KCNH8: variants seen among roughly 807,000 people sequenced by gnomAD.
KCNH8 encodes potassium voltage-gated channel subfamily H member 8, also known as voltage-gated delayed rectifier potassium channel KCNH8.
In KCNH8, 70 loss-of-function variants were observed where a neutral mutation model predicts 103.6. The observed-to-expected ratio is 0.68, with a 90% CI of 0.56 to 0.82. The LOEUF (loss-of-function observed/expected upper bound fraction) is 0.82, where lower values mean the gene tolerates loss of function less well. Ranked by LOEUF, KCNH8 falls within the 40% of genes least tolerant of loss-of-function variation. The probability of loss-of-function intolerance (pLI) is 0.00; values close to 1 mark genes in which losing one functional copy is unlikely to be tolerated. For synonymous variants in KCNH8, 498 were observed against 489.4 expected, an observed-to-expected ratio of 1.02 and a Z score of -0.23; for missense variants, 1,217 against 1,329.9, an observed-to-expected ratio of 0.92 and a Z score of 1.32.
chr3:19,507,877 A>G (rs1354709585), intron 11 of KCNH8, among the ~76,000 whole-genome samples: 1 of 152,182 alleles, frequency 6.6e-6, no homozygotes, highest in Non-Finnish European at 1.5e-5. Flanking sequence ...CTGTCCCAGG[A>G]AAACACGGAG....
chr3:19,284,067 T>C (rs1404283053), intron 3 of KCNH8, among the ~76,000 whole-genome samples: 1 of 152,116 alleles, frequency 6.6e-6, no homozygotes, highest in Non-Finnish European at 1.5e-5. Context: ...TAACATATGA[T>C]ATTTTTAAAG....
chr3:19,390,476 A>T lies in KCNH8; in HGVS notation c.812-5A>T. 6.2e-7 allele frequency: 1 copy of T among 1,601,024 alleles called. No homozygotes were observed. The highest frequency in any genetic ancestry group is 1.1e-5 in the South Asian group (1 of 89,902). ...TTATTTCTCAACCTTTTTTTTCCCA[A>T]GCAGATATTATTTTAAATTTCCGAA... On this transcript the variant is annotated splice_region_variant and splice_polypyrimidine_tract_variant and intron_variant, in intron 5 of 15. Transcript: ENST00000328405.
intron 11 of KCNH8, among the ~76,000 whole-genome samples, chr3:19,474,852 A>T (rs1285056544): frequency 1.3e-5 from 2 of 152,318 alleles, no homozygotes; most frequent in African/African-American, 4.8e-5. Flanking sequence ...ATCCTAGGTT[A>T]TACAGTTTAC....
rs117786977 is a variant in KCNH8, at chr3:19,294,499, A to G, written c.442+13170A>G. Among the ~76,000 whole-genome samples the G allele has an allele frequency of 3.3e-3, 510 of 152,294 alleles. 25 individuals carry two copies. The East Asian group carries it at 0.086, about 26-fold the overall frequency. ...ATTGATACTTTATCCCAGGAAATAG[A>G]TTTCTGCTTCAGGGACATCTATACC... On this transcript the variant is annotated intron_variant, in intron 3 of 15. Transcript: ENST00000328405.
At chr3:19,336,064 A>C (rs968664826) in intron 3 of KCNH8, among the ~76,000 whole-genome samples, 7 of 151,370 alleles carry the variant, frequency 4.6e-5, no homozygotes, top group Non-Finnish European at 1.5e-5. Context: ...TTCCTATTAA[A>C]TTACTATATT....
chr3:19,466,379 C>G (rs1004277738), intron 11 of KCNH8, among the ~76,000 whole-genome samples: 1 of 152,156 alleles, frequency 6.6e-6, no homozygotes, highest in African/African-American at 2.4e-5. Context: ...AAAGGCTTGA[C>G]TCCAATTTCA....
At chr3:19,416,977 T>G (rs2066873418) in intron 7 of KCNH8, among the ~76,000 whole-genome samples, 1 of 151,948 alleles carries the variant, frequency 6.6e-6, no homozygotes, top group African/African-American at 2.4e-5. Flanking sequence ...ATTTAAGAGT[T>G]ATAGCCTGTG....
intron 3 of KCNH8, among the ~76,000 whole-genome samples, chr3:19,330,778 T>G (rs2065494294): frequency 6.6e-6 from 1 of 152,208 alleles, no homozygotes; most frequent in Admixed American, 6.5e-5. Context: ...TACGATATTT[T>G]TGTAAGGAGG....
At chr3:19,500,231 G>C (rs560610034) in intron 11 of KCNH8, among the ~76,000 whole-genome samples, 3 of 150,722 alleles carry the variant, frequency 2.0e-5, no homozygotes, top group African/African-American at 7.2e-5. Flanking sequence ...TTCAACAAGA[G>C]CTAACTATCC....
rs1165069918 is a variant in KCNH8, at chr3:19,347,705, C to A, written c.571-20C>A. The stretch of plus-strand genomic sequence containing the variant: ...TAATGTTGTGTTTCTCCTTTCTCTC[C>A]TTTTTGTCTTCATCCACAGAATGTT... On this transcript the variant is annotated intron_variant, in intron 4 of 15. Coordinates refer to ENST00000328405, the MANE Select transcript of KCNH8 (RefSeq NM_144633.3). 2 of 1,610,876 alleles carry A rather than the reference C, an allele frequency of 1.2e-6. No homozygotes were observed. The highest frequency in any genetic ancestry group is 4.5e-5 in the East Asian group (2 of 44,808).
intron 1 of KCNH8, among the ~76,000 whole-genome samples, chr3:19,209,110 G>A (rs1217639171): frequency 2.0e-5 from 3 of 151,846 alleles, no homozygotes; most frequent in Non-Finnish European, 4.4e-5. Flanking sequence ...ACAAATATAT[G>A]TGTGCAAAGT....
chr3:19,189,440 T>A (rs2063531124), intron 1 of KCNH8, among the ~76,000 whole-genome samples: 1 of 151,998 alleles, frequency 6.6e-6, no homozygotes, highest in African/African-American at 2.4e-5. Context: ...GCTAAATTAA[T>A]GGTTTCTTAA....
chr3:19,409,851 A>C (rs1164434365), intron 7 of KCNH8, among the ~76,000 whole-genome samples: 1 of 152,152 alleles, frequency 6.6e-6, no homozygotes, highest in Non-Finnish European at 1.5e-5. Context: ...CACCAAACAC[A>C]GGAGCACCCA....
chr3:19,479,898 C>T (rs1005316364), intron 11 of KCNH8, among the ~76,000 whole-genome samples: 1 of 152,258 alleles, frequency 6.6e-6, no homozygotes, highest in Non-Finnish European at 1.5e-5. Context: ...ACATGTTCCT[C>T]CAATCTGCTT....
At chr3:19,406,191 C>A (rs2066688471) in intron 7 of KCNH8, among the ~76,000 whole-genome samples, 1 of 152,026 alleles carries the variant, frequency 6.6e-6, no homozygotes, top group Non-Finnish European at 1.5e-5. Flanking sequence ...ACATTTTAGT[C>A]TTTATATTCT....
In KCNH8 at chr3:19,513,332, G is replaced by A. The variant is rs758572605; in HGVS notation, c.2435+7G>A. On this transcript the variant is annotated splice_region_variant and intron_variant, in intron 13 of 15. Transcript: ENST00000328405. ...CCCCAGACCTCAGTCCAAGGTAAGA[G>A]TTCATATCATATAACTTTCTCACGT... is the stretch of plus-strand genomic sequence containing the variant. The A allele has an allele frequency of 1.3e-6, 2 of 1,572,666 alleles. No individual in the cohort carries two copies. Among genetic ancestry groups the A allele is most frequent in the South Asian group, 2.4e-5 (2 of 83,440 alleles).
chr3:19,511,011 A>ATACTT (rs1443003681), intron 12 of KCNH8, among the ~76,000 whole-genome samples: 1 of 152,126 alleles, frequency 6.6e-6, no homozygotes, highest in Non-Finnish European at 1.5e-5. Flanking sequence ...TATTTTAATT[A>ATACTT]TACTTTAAGT....
chr3:19,519,986 A>T (rs1353318291), intron 15 of KCNH8, among the ~76,000 whole-genome samples: 1 of 151,770 alleles, frequency 6.6e-6, no homozygotes, highest in African/African-American at 2.4e-5. Context: ...TCCTTTGACA[A>T]TGTGAATCGG....
In KCNH8 at chr3:19,160,637, G is replaced by C. The variant is rs2125185914; in HGVS notation, c.76+11842G>C. Among the ~76,000 whole-genome samples the C allele has an allele frequency of 1.3e-5, 2 of 152,222 alleles. 1 individual carries two copies. The highest frequency in any genetic ancestry group is 4.1e-4 in the South Asian group (2 of 4,826). ...CCATGATTTCAATTATGTTCTGTGA[G>C]CTGAATCCCAAAAATATTAAATGGA... On this transcript the variant is annotated intron_variant, in intron 1 of 15. Coordinates refer to ENST00000328405, the MANE Select transcript of KCNH8 (RefSeq NM_144633.3).
Sources: allele counts gnomAD v4.1 joint callset (sites outside exome capture counted in the v4.1 genomes callset), GRCh38; gene constraint gnomAD v4.1.1; transcripts MANE v1.5; gene names NCBI Gene and HGNC (gene_info 2026-07-23, HGNC 2026-07-21).